The following EIF3B variants were observed in gnomAD, a reference collection of about 807,000 sequenced individuals.
EIF3B encodes eukaryotic translation initiation factor 3 subunit 9.
In EIF3B, 10 loss-of-function variants were observed where a neutral mutation model predicts 104.6. The observed-to-expected ratio is 0.10, with a 90% CI of 0.06 to 0.16. EIF3B has a LOEUF of 0.16. EIF3B is among the 10% of genes least tolerant of loss of function. The pLI is 1.00. For missense variants in EIF3B, 1,014 were observed against 1,087.9 expected (o/e 0.93, Z 0.96); for synonymous variants, 542 against 417.2 (o/e 1.30, Z -3.65).
At chr7:2,366,772 C>T in intron 8 of EIF3B, 181 bp downstream of exon 8, 5 of 813,258 alleles carry the variant, frequency 6.1e-6, no homozygotes, top group Non-Finnish European at 9.7e-6. Flanking sequence ...TCACTCCTGC[C>T]CACCTGGCGC....
chr7:2,357,560 AATC>A lies in EIF3B; in HGVS notation c.499+2144_499+2146del, dbSNP rs956766492. 3.5e-4 allele frequency among the ~76,000 whole-genome samples: 53 copies of A among 152,348 alleles called. No homozygotes were observed. In the Middle Eastern group the frequency reaches 0.01, roughly 29 times the overall value. Reference sequence around the variant, plus strand: ...GGTACAGATTAGCTTCTCAAACTGTAATCATCCTTTCAGTTTAATGTTTCAGCT... The same window carrying A: ...GGTACAGATTAGCTTCTCAAACTGTAATCCTTTCAGTTTAATGTTTCAGCT... On this transcript the variant is annotated intron_variant, in intron 1 of 18. Transcript: ENST00000360876.
chr7:2,367,959 T>C (rs112822661), intron 9 of EIF3B, among the ~76,000 whole-genome samples: 1,523 of 147,512 alleles, frequency 0.01, 21 homozygotes, highest in African/African-American at 0.031. Flanking sequence ...CTCCTTGCCT[T>C]AGACTCCCAA....
chr7:2,358,955 C>G (rs1779597385), intron 1 of EIF3B, among the ~76,000 whole-genome samples: 1 of 152,090 alleles, frequency 6.6e-6, no homozygotes, highest in African/African-American at 2.4e-5. Flanking sequence ...GTGGCAGCTC[C>G]CACCTGTAGT....
chr7:2,377,012 C>A lies in EIF3B; in HGVS notation c.2091C>A (p.Asp697Glu). Residue 697 changes from aspartate (D) to glutamate (E), a missense_variant, in exon 15 of 19, where the codon GAC (aspartate) becomes GAA (glutamate). Asp to Glu is a conservative substitution (Grantham distance 45). Coordinates refer to ENST00000360876, the MANE Select transcript of EIF3B (RefSeq NM_001037283.2). ...QGRLLQKNNK[D>E]RFCQLLWRPR... The stretch of plus-strand genomic sequence containing the variant: ...GCCTCCTGCAGAAGAACAACAAGGA[C>A]CGCTTCTGCCAGCTGCTGTGGCGGC... The A allele has an allele frequency of 6.2e-7, 1 of 1,613,902 alleles. No homozygotes were observed. The highest frequency in any genetic ancestry group is 8.5e-7 in the Non-Finnish European group (1 of 1,180,024).
In EIF3B at chr7:2,372,660, T is replaced by G; in HGVS notation, c.1688-13T>G. The G allele has an allele frequency of 6.2e-7, 1 of 1,613,352 alleles. No individual in the cohort carries two copies. The highest frequency in any genetic ancestry group is 8.5e-7 in the Non-Finnish European group (1 of 1,179,460). ...TTGACCAAAAAGGGAGGGGTCTGTT[T>G]TGTGCATTTTAGAAACCATCATAGC... On this transcript the variant is annotated splice_polypyrimidine_tract_variant and intron_variant, in intron 11 of 18. Coordinates refer to ENST00000360876, the MANE Select transcript of EIF3B (RefSeq NM_001037283.2).
chr7:2,369,376 C>T (rs1356879759), intron 9 of EIF3B, 96 bp from the exon 10 acceptor site: 5 of 1,314,660 alleles, frequency 3.8e-6, no homozygotes, highest in Non-Finnish European at 3.3e-6. Flanking sequence ...CAGCATTGAG[C>T]TTCTATATAG....
intron 11 of EIF3B, chr7:2,372,262 G>A (rs1300536710): frequency 4.4e-6 from 1 of 227,000 alleles, no homozygotes; most frequent in African/African-American, 2.3e-5. Flanking sequence ...GTTTTGCCAT[G>A]GAGAAAAGGA....
chr7:2,367,090 T>C (rs911894170), intron 9 of EIF3B, 45 bp downstream of exon 9: 4 of 1,438,456 alleles, frequency 2.8e-6, no homozygotes, highest in African/African-American at 3.2e-5. Flanking sequence ...TTCAGGCTGC[T>C]TAACACAATA....
In EIF3B at chr7:2,378,706, G is replaced by A; in HGVS notation, c.2172G>A (p.Leu724=). ...QEQIKQIKKD[L]KKYSKIFEQK... is the part of the protein sequence containing the mutation. ...TGTTTCAGCAAATTAAAAAGGATCT[G>A]AAGAAATACTCTAAGATCTTTGAAC... is the stretch of plus-strand genomic sequence containing the variant. Residue 724 remains leucine (L), a synonymous_variant, in exon 16 of 19, where the codon CTG becomes CTA. Transcript: ENST00000360876. The A allele has an allele frequency of 1.2e-6, 2 of 1,613,980 alleles. No individual in the cohort carries two copies.
At position 2,360,848 on chromosome 7, in the gene EIF3B, A is replaced by C. The variant is rs1779688123; in HGVS notation, c.638A>C (p.Lys213Thr). The change falls in exon 2 of 19, where the codon AAG (lysine) becomes ACG (threonine). Residue 213 changes from lysine to threonine, a missense_variant. Lys to Thr is a moderately conservative substitution (Grantham distance 78, BLOSUM62 -1). This residue lies in a region of EIF3B where 488 missense variants were observed against 404.3 expected (regional missense o/e 1.21). Transcript: ENST00000360876. ...LKNVIHKIFSKFGKITNDFYP... is the reference protein window; with the variant it reads ...LKNVIHKIFSTFGKITNDFYP... Reference sequence around the variant, plus strand: ...AATGTCATCCACAAGATCTTTTCCAAGTTTGGGAAAATCACAAATGATTTT... The same window carrying C: ...AATGTCATCCACAAGATCTTTTCCACGTTTGGGAAAATCACAAATGATTTT... 4.3e-6 allele frequency: 7 copies of C among 1,613,780 alleles called. No homozygotes were observed. The highest frequency in any genetic ancestry group is 5.9e-6 in the Non-Finnish European group (7 of 1,179,846).
In EIF3B at chr7:2,369,655, A is replaced by G; in HGVS notation, c.1587A>G (p.Lys529=). The G allele has an allele frequency of 6.2e-7, 1 of 1,614,106 alleles. No individual in the cohort carries two copies. The highest frequency in any genetic ancestry group is 1.1e-5 in the South Asian group (1 of 91,084). Residue 529 remains lysine (K), a synonymous_variant, in exon 10 of 19, where the codon AAA becomes AAG. Coordinates refer to ENST00000360876, the MANE Select transcript of EIF3B (RefSeq NM_001037283.2). ...AGAACGGAGACTACTTGTGTGTGAA[A>G]GTAGATAGGACTCCGAAAGGCACCC... The part of the protein sequence containing the change: ...WQKNGDYLCV[K]VDRTPKGTQG...
At chr7:2,376,886 G>A in intron 14 of EIF3B, 64 bp from the exon 15 acceptor site, 1 of 1,567,524 alleles carries the variant, frequency 6.4e-7, no homozygotes, top group Non-Finnish European at 8.7e-7. Flanking sequence ...TTCAGCAAGT[G>A]ACATAGTCAC....
intron 15 of EIF3B, chr7:2,378,422 G>C (rs1269188824): frequency 1.8e-5 from 5 of 283,406 alleles, no homozygotes; most frequent in Non-Finnish European, 3.1e-5. Context: ...TGTCATGGAG[G>C]AAGGAGCAGG....
At chr7:2,380,097 G>C in intron 18 of EIF3B, 107 bp from the exon 19 acceptor site, 2 of 313,278 alleles carry the variant, frequency 6.4e-6, no homozygotes, top group Non-Finnish European at 1.3e-5. Flanking sequence ...TCTGTGGCCG[G>C]GGTGGCTCCT....
chr7:2,378,620 A>C (rs183183640), intron 15 of EIF3B, 69 bp from the exon 16 acceptor site: 1 of 1,421,342 alleles, frequency 7.0e-7, no homozygotes, highest in East Asian at 2.3e-5. Flanking sequence ...CATGTTGGCA[A>C]CTCTGAAGAT....
At chr7:2,374,766 A>T in intron 13 of EIF3B, 160 bp downstream of exon 13, 1 of 608,034 alleles carries the variant, frequency 1.6e-6, no homozygotes, top group South Asian at 2.4e-5. Context: ...ACCTCTGCAG[A>T]CCCACGGTAC....
rs559073239 is a variant in EIF3B at position 2,374,921 on chromosome 7, G to A, written c.1889+315G>A. The A allele has an allele frequency of 3.4e-5, 11 of 327,574 alleles. No individual in the cohort carries two copies. In the East Asian group the frequency reaches 4.6e-4, roughly 14 times the overall value. The allele number at this position is 327,574 out of a possible 1,614,324, so 20.3% of individuals were successfully genotyped here. A position where few individuals can be genotyped will look rare whatever the true frequency, so the allele number is the denominator to read the frequency against. The stretch of plus-strand genomic sequence containing the variant: ...GCCATCCAGTAACCTCCCCCCGGGG[G>A]TCAGTCCCTTGTCTTCTAGTGGGAA... On this transcript the variant is annotated intron_variant, in intron 13 of 18. Coordinates refer to ENST00000360876, the MANE Select transcript of EIF3B (RefSeq NM_001037283.2).
intron 1 of EIF3B, among the ~76,000 whole-genome samples, chr7:2,356,538 G>GCC (rs1779451411): frequency 6.7e-6 from 1 of 150,164 alleles, no homozygotes; most frequent in Admixed American, 6.7e-5. Flanking sequence ...GGGAGGCGGA[G>GCC]CTTGCAGTGA....
At chr7:2,372,533 G>C (rs1364086491) in intron 11 of EIF3B, 140 bp from the exon 12 acceptor site, 1 of 1,044,556 alleles carries the variant, frequency 9.6e-7, no homozygotes, top group South Asian at 1.7e-5. Flanking sequence ...TCCTGCTGTT[G>C]CTTGCTCTCC....
Sources: allele counts gnomAD v4.1 joint callset (sites outside exome capture counted in the v4.1 genomes callset), GRCh38; gene constraint gnomAD v4.1.1; regional missense constraint gnomAD v4.1.1; transcripts MANE v1.5; gene names NCBI Gene and HGNC (gene_info 2026-07-23, HGNC 2026-07-21).